The following GRM1 variants were observed in gnomAD, a reference collection of about 807,000 sequenced individuals.
GRM1 encodes glutamate metabotropic receptor 1, also known as metabotropic glutamate receptor 1.
GRM1 carries 33 observed loss-of-function variants against 90.9 expected under a neutral mutation model. The ratio of observed to expected loss-of-function variants is 0.36; its 90% CI spans 0.28 to 0.49. The LOEUF is 0.49. Ranked by LOEUF, GRM1 falls within the 20% of genes least tolerant of loss-of-function variation. The probability of loss-of-function intolerance (pLI) is 0.99; values close to 1 mark genes in which losing one functional copy is unlikely to be tolerated. For missense variants in GRM1, 1,190 were observed against 1,534.3 expected, an observed-to-expected ratio of 0.78 and a Z score of 3.75; for synonymous variants, 700 against 613.2, an observed-to-expected ratio of 1.14 and a Z score of -2.09.
chr6:146,167,116 A>G (rs1777938099), intron 2 of GRM1, among the ~76,000 whole-genome samples: 1 of 152,092 alleles, frequency 6.6e-6, no homozygotes, highest in South Asian at 2.1e-4. Flanking sequence ...TTTTTCTAGA[A>G]TTTCACATAG....
chr6:146,414,604 C>T (rs940887224), intron 7 of GRM1, among the ~76,000 whole-genome samples: 1 of 152,004 alleles, frequency 6.6e-6, no homozygotes, highest in Admixed American at 6.5e-5. Context: ...GGGTTTCACC[C>T]TGTTAGCCAG....
intron 1 of GRM1, among the ~76,000 whole-genome samples, chr6:146,043,710 C>T (rs1162806601): frequency 1.3e-5 from 2 of 149,248 alleles, no homozygotes; most frequent in African/African-American, 4.9e-5. Context: ...TTCCACCTTA[C>T]TTCAATGGCA....
At chr6:146,298,067 GC>G (rs1280801221) in intron 2 of GRM1, among the ~76,000 whole-genome samples, 1 of 152,130 alleles carries the variant, frequency 6.6e-6, no homozygotes, top group Non-Finnish European at 1.5e-5. Context: ...GCCCAGCCAG[GC>G]ATGATTGCCA....
chr6:146,382,665 C>T (rs1035550992), intron 5 of GRM1, among the ~76,000 whole-genome samples: 1 of 151,986 alleles, frequency 6.6e-6, no homozygotes, highest in African/African-American at 2.4e-5. Flanking sequence ...GGTACAGAAA[C>T]AAAAACTAGG....
At chr6:146,264,935 CT>C (rs1305394661) in intron 2 of GRM1, among the ~76,000 whole-genome samples, 6 of 152,082 alleles carry the variant, frequency 3.9e-5, no homozygotes, top group Non-Finnish European at 1.5e-5. Flanking sequence ...TCAGGTATCA[CT>C]TGATGAACAC....
At chr6:146,417,661 G>A (rs1375302500) in intron 7 of GRM1, among the ~76,000 whole-genome samples, 2 of 152,114 alleles carry the variant, frequency 1.3e-5, no homozygotes, top group African/African-American at 4.8e-5. Context: ...TGAGGTTAGT[G>A]CTATAGCCAA....
intron 2 of GRM1, among the ~76,000 whole-genome samples, chr6:146,215,934 T>C (rs896519716): frequency 1.3e-5 from 2 of 152,126 alleles, no homozygotes; most frequent in Non-Finnish European, 2.9e-5. Context: ...TTTTTTTGTA[T>C]TTTTAGTAGG....
At chr6:146,416,520 C>G (rs978174360) in intron 7 of GRM1, among the ~76,000 whole-genome samples, 6 of 152,106 alleles carry the variant, frequency 3.9e-5, no homozygotes, top group African/African-American at 1.4e-4. Flanking sequence ...TCTTGCATCA[C>G]TGTTGTGCTT....
At chr6:146,130,728 G>T (rs1776370076) in intron 1 of GRM1, among the ~76,000 whole-genome samples, 1 of 152,100 alleles carries the variant, frequency 6.6e-6, no homozygotes. Context: ...TTTGAGAAAT[G>T]CAATATTAGG....
chr6:146,079,453 G>A (rs941603690), intron 1 of GRM1, among the ~76,000 whole-genome samples: 1 of 152,154 alleles, frequency 6.6e-6, no homozygotes, highest in African/African-American at 2.4e-5. Flanking sequence ...CTTTATTGGA[G>A]CAGATGGATG....
chr6:146,225,811 A>T (rs1312978504), intron 2 of GRM1, among the ~76,000 whole-genome samples: 1 of 152,126 alleles, frequency 6.6e-6, no homozygotes, highest in Non-Finnish European at 1.5e-5. Context: ...ATTAAGTTAA[A>T]TTCACTTACC....
At chr6:146,136,538 C>A (rs1474801171) in intron 1 of GRM1, among the ~76,000 whole-genome samples, 2 of 152,158 alleles carry the variant, frequency 1.3e-5, no homozygotes, top group African/African-American at 4.8e-5. Context: ...ATGTTGAACA[C>A]CTTTTCAGAT....
At chr6:146,285,509 T>C (rs1782728952) in intron 2 of GRM1, among the ~76,000 whole-genome samples, 1 of 152,210 alleles carries the variant, frequency 6.6e-6, no homozygotes, top group Non-Finnish European at 1.5e-5. Flanking sequence ...CACAGAGTAT[T>C]TTTTATTTAT....
At chr6:146,128,482 A>G (rs1238919802) in intron 1 of GRM1, among the ~76,000 whole-genome samples, 1 of 152,136 alleles carries the variant, frequency 6.6e-6, no homozygotes, top group African/African-American at 2.4e-5. Flanking sequence ...GTCTTATTTC[A>G]CCAATAATAT....
At position 146,433,905 on chromosome 6, in the gene GRM1, A is replaced by G; in HGVS notation, c.2694A>G (p.Pro898=). Residue 898 remains proline (P), a synonymous_variant, in exon 8 of 8, where the codon CCA becomes CCG. Transcript: ENST00000282753. ...SNGKSVSWSE[P]GGGQVPKGQH... ...GCAAGTCTGTGTCATGGTCTGAACC[A>G]GGTGGAGGACAGGTGCCCAAGGGAC... The G allele has an allele frequency of 1.2e-6, 2 of 1,613,772 alleles. No homozygotes were observed.
chr6:146,332,856 C>T (rs1249655609), intron 3 of GRM1, among the ~76,000 whole-genome samples: 1 of 152,012 alleles, frequency 6.6e-6, no homozygotes, highest in Non-Finnish European at 1.5e-5. Flanking sequence ...TCTAATATAC[C>T]CAAAATATAA....
In GRM1 at chr6:146,068,416, A is replaced by G. The variant is rs568141886; in HGVS notation, c.700+38199A>G. Among the ~76,000 whole-genome samples the G allele has an allele frequency of 6.6e-5, 10 of 152,290 alleles. No homozygotes were observed. In the South Asian group the frequency reaches 2.1e-3, roughly 32 times the overall value. On this transcript the variant is annotated intron_variant, in intron 1 of 7. Transcript: ENST00000282753. ...GCATGAGCCACCGCGCCCGGCCTCA[A>G]ATAATTTTTTAAAAGACTTTGTCAT...
At chr6:146,041,799 A>G (rs558060022) in intron 1 of GRM1, among the ~76,000 whole-genome samples, 39 of 152,114 alleles carry the variant, frequency 2.6e-4, no homozygotes, top group African/African-American at 8.9e-4. Context: ...TGTGAGGAAG[A>G]TGGAAGGCAT....
At chr6:146,359,751 G>T (rs1775392393) in intron 5 of GRM1, among the ~76,000 whole-genome samples, 1 of 152,168 alleles carries the variant, frequency 6.6e-6, no homozygotes, top group African/African-American at 2.4e-5. Context: ...ACACTGAAGT[G>T]TTTCTGCCAT....
Sources: allele counts gnomAD v4.1 joint callset (sites outside exome capture counted in the v4.1 genomes callset), GRCh38; gene constraint gnomAD v4.1.1; transcripts MANE v1.5; gene names NCBI Gene and HGNC (gene_info 2026-07-23, HGNC 2026-07-21).